The following SND1 variants were observed in gnomAD, a reference collection of about 807,000 sequenced individuals.
SND1 encodes staphylococcal nuclease domain-containing protein 1.
A neutral mutation model predicts 121.7 loss-of-function variants in SND1; 38 were observed. The ratio of observed to expected loss-of-function variants is 0.31; its 90% CI spans 0.24 to 0.41. The LOEUF (loss-of-function observed/expected upper bound fraction) is 0.41. Among genes scored for constraint, SND1 ranks in the 10% least tolerant of loss-of-function variants. The probability of loss-of-function intolerance (pLI) is 1.00; values close to 1 mark genes in which losing one functional copy is unlikely to be tolerated. For synonymous variants in SND1, 401 were observed against 447.4 expected (o/e 0.90, Z 1.31); for missense variants, 868 against 1,184.6 (o/e 0.73, Z 3.92).
At chr7:127,968,117 C>T (rs1320766006) in intron 15 of SND1, among the ~76,000 whole-genome samples, 1 of 152,228 alleles carries the variant, frequency 6.6e-6, no homozygotes, top group Non-Finnish European at 1.5e-5. Context: ...CCTCTCTCTC[C>T]TTTTCAGGGA....
intron 15 of SND1, among the ~76,000 whole-genome samples, chr7:127,975,413 T>C (rs1018833080): frequency 1.5e-5 from 2 of 129,986 alleles, no homozygotes; most frequent in Admixed American, 1.6e-4. Flanking sequence ...GTAAGAGAGA[T>C]TGACTCCCCT....
At chr7:127,895,020 C>G (rs1800090458) in intron 13 of SND1, among the ~76,000 whole-genome samples, 1 of 151,888 alleles carries the variant, frequency 6.6e-6, no homozygotes, top group South Asian at 2.1e-4. Flanking sequence ...CTCTTTCCTC[C>G]CTCTTTATTT....
chr7:127,775,178 C>A (rs1249275746), intron 10 of SND1, among the ~76,000 whole-genome samples: 1 of 152,194 alleles, frequency 6.6e-6, no homozygotes, highest in African/African-American at 2.4e-5. Context: ...CTCGGAGAGG[C>A]AAGGACGGAT....
intron 11 of SND1, among the ~76,000 whole-genome samples, chr7:127,832,728 C>T (rs557721123): frequency 7.5e-4 from 114 of 152,296 alleles, no homozygotes; most frequent in South Asian, 1.5e-3. Context: ...CAAGGGTCCC[C>T]AAGCCCCGGA....
In SND1 at chr7:128,085,617, G is replaced by A; in HGVS notation, c.2235-94G>A. The stretch of plus-strand genomic sequence containing the variant: ...GTGACACCCGTTGAACCCAGGCAGG[G>A]AAATGCTGTGCCCCTGCCCCGCCAT... On this transcript the variant is annotated intron_variant, in intron 19 of 23. Coordinates refer to ENST00000354725, the MANE Select transcript of SND1 (RefSeq NM_014390.4). This position sits in a 1 kb window ranked among gnomAD's most constrained non-coding sequence, Gnocchi z 4.4. 9.0e-7 allele frequency: 1 copy of A among 1,115,886 alleles called. No individual in the cohort carries two copies. The highest frequency in any genetic ancestry group is 1.4e-6 in the Non-Finnish European group (1 of 738,704). 69.1% of individuals were successfully genotyped at this position (1,115,886 alleles called of 1,614,324 possible). A position where few individuals can be genotyped will look rare whatever the true frequency, so the allele number is the denominator to read the frequency against.
intron 12 of SND1, among the ~76,000 whole-genome samples, chr7:127,850,606 A>G (rs1389079094): frequency 6.6e-6 from 1 of 152,170 alleles, no homozygotes; most frequent in African/African-American, 2.4e-5. Context: ...GAAGGAACAC[A>G]AGACACTAGA....
At chr7:127,812,599 C>A (rs1162700393) in intron 11 of SND1, among the ~76,000 whole-genome samples, 1 of 152,134 alleles carries the variant, frequency 6.6e-6, no homozygotes, top group East Asian at 1.9e-4. Flanking sequence ...GGCACAGGGT[C>A]ACGGAGAAGT....
chr7:127,695,012 T>C (rs1795983411), intron 3 of SND1, 64 bp downstream of exon 3: 1 of 1,575,906 alleles, frequency 6.3e-7, no homozygotes, highest in African/African-American at 1.4e-5. Context: ...TCAGTTTTCT[T>C]GTGGTGGAAG....
chr7:127,853,893 G>A lies in SND1; in HGVS notation c.1343+9469G>A, dbSNP rs1558493. Among the ~76,000 whole-genome samples, 75 of 152,274 alleles carry A rather than the reference G, an allele frequency of 4.9e-4. 1 individual carries two copies. The East Asian group carries it at 0.012, about 25-fold the overall frequency. The stretch of plus-strand genomic sequence containing the variant: ...GCTGGCTGGCCATGCTTTTCTGAGT[G>A]TGATTTCTAATTAATTACTCCGATG... On this transcript the variant is annotated intron_variant, in intron 12 of 23. Coordinates refer to ENST00000354725, the MANE Select transcript of SND1 (RefSeq NM_014390.4).
At chr7:127,659,360 A>G (rs1237858573) in intron 1 of SND1, among the ~76,000 whole-genome samples, 1 of 152,224 alleles carries the variant, frequency 6.6e-6, no homozygotes, top group African/African-American at 2.4e-5. Context: ...TTCAGTTGGC[A>G]TTTTTTAAAA....
chr7:127,916,633 C>T (rs934493625), intron 14 of SND1, among the ~76,000 whole-genome samples: 1 of 152,180 alleles, frequency 6.6e-6, no homozygotes, highest in East Asian at 1.9e-4. Context: ...AAAACGTTGC[C>T]GCCCAAGCTG....
intron 10 of SND1, among the ~76,000 whole-genome samples, chr7:127,775,891 C>T (rs1238643864): frequency 6.6e-6 from 1 of 152,136 alleles, no homozygotes; most frequent in African/African-American, 2.4e-5. Context: ...ATGTCTGTCA[C>T]TGCCATTCAA....
intron 11 of SND1, among the ~76,000 whole-genome samples, chr7:127,808,986 G>T (rs759071426): frequency 6.6e-6 from 1 of 152,178 alleles, no homozygotes; most frequent in Non-Finnish European, 1.5e-5. Context: ...GTTGTGTGGC[G>T]TGTATTATGG....
intron 10 of SND1, among the ~76,000 whole-genome samples, chr7:127,744,017 G>C (rs1018429245): frequency 6.6e-6 from 1 of 152,092 alleles, no homozygotes; most frequent in Admixed American, 6.5e-5. Flanking sequence ...TAGAGTTGCT[G>C]TAAAAATCTC....
At chr7:127,930,547 A>G (rs1032992536) in intron 15 of SND1, among the ~76,000 whole-genome samples, 1 of 152,172 alleles carries the variant, frequency 6.6e-6, no homozygotes, top group African/African-American at 2.4e-5. Context: ...ACAGCTCTGC[A>G]GGCCTTCTGA....
chr7:128,088,446 CTTTTTTTT>C (rs1047161140), intron 21 of SND1, among the ~76,000 whole-genome samples: 2 of 80,112 alleles, frequency 2.5e-5, no homozygotes, highest in African/African-American at 1.1e-4. Context: ...CCCTATCTCT[CTTTTTTTT>C]TTTTTTTTTT....
chr7:127,812,056 C>G (rs1584590957), intron 11 of SND1, among the ~76,000 whole-genome samples: 2 of 152,178 alleles, frequency 1.3e-5, no homozygotes, highest in African/African-American at 4.8e-5. Context: ...ACATGTTGTT[C>G]TGGTCTTTAC....
intron 9 of SND1, among the ~76,000 whole-genome samples, chr7:127,714,753 CT>C (rs1297000247): frequency 7.2e-5 from 11 of 152,186 alleles, no homozygotes; most frequent in Non-Finnish European, 2.9e-5. Context: ...CAGTCTGTGT[CT>C]TTGTGACTGT....
At chr7:127,771,892 C>T (rs943880195) in intron 10 of SND1, among the ~76,000 whole-genome samples, 3 of 152,110 alleles carry the variant, frequency 2.0e-5, no homozygotes, top group Non-Finnish European at 4.4e-5. Context: ...TTTGGATCAC[C>T]TCGGTGGTTT....
Sources: allele counts gnomAD v4.1 joint callset (sites outside exome capture counted in the v4.1 genomes callset), GRCh38; gene constraint gnomAD v4.1.1; non-coding constraint Gnocchi (gnomAD v3.1); transcripts MANE v1.5; gene names NCBI Gene and HGNC (gene_info 2026-07-23, HGNC 2026-07-21).